Variants in POLQ observed in about 807,000 individuals in gnomAD.
The protein encoded by POLQ is DNA polymerase theta.
POLQ carries 233 observed loss-of-function variants against 259.2 expected under a neutral mutation model. The observed-to-expected ratio is 0.90, with a 90% CI of 0.81 to 1.00. The LOEUF is 1.00. POLQ is among the 50% of genes least tolerant of loss of function. POLQ has a pLI of 0.00. For synonymous variants in POLQ, 1,025 were observed against 1,048.8 expected (o/e 0.98, Z 0.44); for missense variants, 2,871 against 3,051.6 (o/e 0.94, Z 1.39).
At chr3:121,483,112 T>C (rs2047983295) in intron 18 of POLQ, among the ~76,000 whole-genome samples, 1 of 152,172 alleles carries the variant, frequency 6.6e-6, no homozygotes, top group South Asian at 2.1e-4. Context: ...ACAGAAAACT[T>C]AGGACTTATG....
In POLQ at chr3:121,476,455, T is replaced by TACACAC. The variant is rs71678533; in HGVS notation, c.6405+79_6405+84dup. Reference sequence around the variant, plus strand: ...TACTGACCTTTGGTGTTCAGGTAAATACACACACACACACACACACACACA... The same window carrying TACACAC: ...TACTGACCTTTGGTGTTCAGGTAAATACACACACACACACACACACACACACACACA... On this transcript the variant is annotated intron_variant, in intron 20 of 29. Transcript: ENST00000264233. The TACACAC allele has an allele frequency of 1.5e-3, 1,113 of 727,784 alleles. 7 individuals are homozygous for TACACAC. The highest frequency in any genetic ancestry group is 0.012 in the African/African-American group (653 of 53,872). 45.1% of individuals were successfully genotyped at this position (727,784 alleles called of 1,614,324 possible). A position where few individuals can be genotyped will look rare whatever the true frequency, so the allele number is the denominator to read the frequency against.
At chr3:121,500,754 T>A (rs1226327758) in intron 12 of POLQ, among the ~76,000 whole-genome samples, 1 of 151,824 alleles carries the variant, frequency 6.6e-6, no homozygotes, top group Non-Finnish European at 1.5e-5. Flanking sequence ...TACAAAGGCA[T>A]CCATACAAAG....
chr3:121,531,801 T>C (rs886263846), intron 6 of POLQ, among the ~76,000 whole-genome samples: 4 of 152,312 alleles, frequency 2.6e-5, no homozygotes, highest in Non-Finnish European at 4.4e-5. Flanking sequence ...CATAAATGTA[T>C]TGAAGTAACC....
intron 16 of POLQ, 43 bp downstream of exon 16, chr3:121,487,256 TAAG>T: frequency 9.9e-7 from 1 of 1,005,932 alleles, no homozygotes; most frequent in Non-Finnish European, 1.4e-6. Flanking sequence ...CTCAGTCTAC[TAAG>T]TAGTTTATAA....
chr3:121,462,181 C>T (rs546520462), intron 24 of POLQ, among the ~76,000 whole-genome samples: 1 of 152,196 alleles, frequency 6.6e-6, no homozygotes, highest in South Asian at 2.1e-4. Context: ...GCATTTCACA[C>T]AAGGGATACT....
intron 25 of POLQ, among the ~76,000 whole-genome samples, chr3:121,459,151 GT>G (rs1441078772): frequency 1.3e-5 from 2 of 152,092 alleles, no homozygotes. Context: ...CCATTTCAAA[GT>G]TACAAAGGCA....
At chr3:121,453,090 G>A (rs565839661) in intron 25 of POLQ, among the ~76,000 whole-genome samples, 77 of 152,286 alleles carry the variant, frequency 5.1e-4, no homozygotes, top group Middle Eastern at 3.4e-3. Context: ...ACGAAAATCC[G>A]CTGTTCTGCA....
chr3:121,465,985 G>A (rs1472985549), intron 24 of POLQ, among the ~76,000 whole-genome samples: 1 of 152,204 alleles, frequency 6.6e-6, no homozygotes, highest in South Asian at 2.1e-4. Flanking sequence ...TAGGTTGAAA[G>A]CTAGGCCTCT....
At chr3:121,498,206 A>T (rs546779878) in intron 13 of POLQ, among the ~76,000 whole-genome samples, 1 of 152,194 alleles carries the variant, frequency 6.6e-6, no homozygotes, top group East Asian at 1.9e-4. Flanking sequence ...GCTACTCAGG[A>T]GGCTGAGGCA....
At chr3:121,519,201 T>C (rs2048319152) in intron 9 of POLQ, among the ~76,000 whole-genome samples, 2 of 151,992 alleles carry the variant, frequency 1.3e-5, no homozygotes, top group Admixed American at 1.3e-4. Flanking sequence ...CTGTGAAAAT[T>C]AATTAGTGCT....
intron 5 of POLQ, among the ~76,000 whole-genome samples, chr3:121,534,151 C>G (rs1314068213): frequency 6.6e-6 from 1 of 152,162 alleles, no homozygotes. Flanking sequence ...GTTGGAATTA[C>G]AGGCGTGAGC....
chr3:121,438,401 A>G (rs1271069114), intron 27 of POLQ, among the ~76,000 whole-genome samples: 3 of 152,234 alleles, frequency 2.0e-5, no homozygotes, highest in African/African-American at 7.2e-5. Context: ...AAATTCCAGA[A>G]AACATAATCA....
At chr3:121,473,310 T>C (rs1394124724) in intron 21 of POLQ, 40 bp downstream of exon 21, 1 of 1,537,318 alleles carries the variant, frequency 6.5e-7, no homozygotes, top group Admixed American at 2.2e-5. Flanking sequence ...TTAAAAGTAG[T>C]TTAGGTTCTG....
At chr3:121,436,329 C>G in intron 27 of POLQ, 54 bp from the exon 28 acceptor site, 7 of 1,582,848 alleles carry the variant, frequency 4.4e-6, no homozygotes, top group Non-Finnish European at 6.1e-6. Flanking sequence ...TGGTTTCATA[C>G]TTTCCTTTAG....
intron 28 of POLQ, among the ~76,000 whole-genome samples, chr3:121,434,129 C>A (rs114313976): frequency 2.3e-4 from 35 of 152,288 alleles, no homozygotes; most frequent in African/African-American, 7.7e-4. Flanking sequence ...GATGACCATG[C>A]CTTTGCCCTC....
intron 26 of POLQ, among the ~76,000 whole-genome samples, chr3:121,445,282 ATTTGTTCTTAGACTGTTCAGGTTTT>A (rs1272209298): frequency 6.6e-6 from 1 of 151,910 alleles, no homozygotes; most frequent in Non-Finnish European, 1.5e-5. Context: ...CGATCTCATT[ATTTGTTCTTAGACTGTTCAGGTTTT>A]TTTGTTCTTA....
intron 28 of POLQ, 39 bp downstream of exon 28, chr3:121,436,083 C>A: frequency 1.3e-6 from 2 of 1,483,068 alleles, no homozygotes; most frequent in South Asian, 1.2e-5. Flanking sequence ...TACAATTATT[C>A]TCATCATGTT....
At chr3:121,484,643 G>A (rs1213884136) in intron 17 of POLQ, among the ~76,000 whole-genome samples, 1 of 152,204 alleles carries the variant, frequency 6.6e-6, no homozygotes, top group Non-Finnish European at 1.5e-5. Flanking sequence ...GCTCACACCT[G>A]TAATCCCAAC....
chr3:121,448,153 A>C (rs2047645987), intron 26 of POLQ, among the ~76,000 whole-genome samples: 1 of 151,946 alleles, frequency 6.6e-6, no homozygotes, highest in African/African-American at 2.4e-5. Flanking sequence ...CTCTTAGAAG[A>C]TTTGCCCTTT....
Sources: gnomAD v4.1 joint callset for allele counts (sites outside exome capture counted in the v4.1 genomes callset) on GRCh38, gnomAD v4.1.1 for gene constraint, MANE v1.5 for transcripts, NCBI Gene and HGNC (gene_info 2026-07-23, HGNC 2026-07-21) for gene names.